Variants in ADGRV1 observed in about 807,000 individuals in gnomAD.
ADGRV1 encodes the protein adhesion G protein-coupled receptor V1, also known as G-protein coupled receptor 98.
A neutral mutation model predicts 596.2 loss-of-function variants in ADGRV1; 359 were observed. The observed-to-expected ratio is 0.60, with a 90% CI of 0.55 to 0.66. The LOEUF is 0.66. Among genes scored for constraint, ADGRV1 ranks in the 30% least tolerant of loss-of-function variants. The pLI is 0.00. For missense variants in ADGRV1, 7,274 were observed against 7,575.6 expected (o/e 0.96, Z 1.48); for synonymous variants, 2,681 against 2,679.2 (o/e 1.00, Z -0.02).
At chr5:90,915,945 A>C (rs1773312676) in intron 83 of ADGRV1, among the ~76,000 whole-genome samples, 1 of 152,184 alleles carries the variant, frequency 6.6e-6, no homozygotes, top group South Asian at 2.1e-4. Flanking sequence ...AAAGTTTTTG[A>C]TCCCCTTATA....
chr5:91,144,863 G>C (rs1462573645), intron 87 of ADGRV1, among the ~76,000 whole-genome samples: 1 of 152,226 alleles, frequency 6.6e-6, no homozygotes, highest in Non-Finnish European at 1.5e-5. Context: ...GCCAATGCAC[G>C]TAGTGGGTGA....
chr5:91,125,202 G>A (rs1236712702), intron 87 of ADGRV1, among the ~76,000 whole-genome samples: 1 of 152,210 alleles, frequency 6.6e-6, no homozygotes, highest in Non-Finnish European at 1.5e-5. Flanking sequence ...CTGAATGGAT[G>A]AGAGTGGAGA....
chr5:90,952,200 A>G (rs542129504), intron 83 of ADGRV1, among the ~76,000 whole-genome samples: 26 of 152,182 alleles, frequency 1.7e-4, no homozygotes, highest in African/African-American at 5.1e-4. Context: ...GCTAATTTCT[A>G]TGACCTGCTG....
intron 38 of ADGRV1, 131 bp from the exon 39 acceptor site, chr5:90,708,685 T>A (rs958503981): frequency 3.9e-6 from 2 of 509,088 alleles, no homozygotes; most frequent in Non-Finnish European, 7.0e-6. Context: ...CTAATTTACA[T>A]CTGTCTACTT....
intron 85 of ADGRV1, among the ~76,000 whole-genome samples, chr5:91,035,861 T>TAATATATATAATATATATAATATA: frequency 1.0e-5 from 1 of 96,402 alleles, no homozygotes; most frequent in Admixed American, 1.1e-4. Flanking sequence ...TATATATATA[T>TAATATATATAATATATATAATATA]TATATATATA....
chr5:90,812,914 G>A (rs1020621515), intron 74 of ADGRV1, among the ~76,000 whole-genome samples: 5 of 151,492 alleles, frequency 3.3e-5, no homozygotes, highest in East Asian at 1.9e-4. Flanking sequence ...GGCGGATCAC[G>A]AGGTCAGGAG....
At chr5:90,798,013 A>G (rs919114630) in intron 70 of ADGRV1, among the ~76,000 whole-genome samples, 4 of 152,190 alleles carry the variant, frequency 2.6e-5, no homozygotes, top group African/African-American at 9.6e-5. Flanking sequence ...ATCAAAATTA[A>G]AAGAACTAGA....
chr5:90,823,301 C>T (rs1044882393), intron 75 of ADGRV1, 124 bp from the exon 76 acceptor site: 2 of 967,922 alleles, frequency 2.1e-6, no homozygotes, highest in South Asian at 3.2e-5. Context: ...AAGTGCTATA[C>T]TTTGGATGAA....
intron 85 of ADGRV1, among the ~76,000 whole-genome samples, chr5:91,037,616 A>G (rs1177434832): frequency 6.6e-6 from 1 of 152,222 alleles, no homozygotes; most frequent in African/African-American, 2.4e-5. Flanking sequence ...TGATAGTGAC[A>G]GGCTTTAAAC....
Position 90,906,746 on chromosome 5 carries a change from T to C in ADGRV1, c.17856+42889T>C, listed in dbSNP as rs572696513. On this transcript the variant is annotated intron_variant, in intron 83 of 89. Coordinates refer to ENST00000405460, the MANE Select transcript of ADGRV1 (RefSeq NM_032119.4). Reference sequence around the variant, plus strand: ...TCAATTGTATTTATTGCTGCTCTCTTCTTTATTATTTCTTCTACTAATTTT... The same window carrying C: ...TCAATTGTATTTATTGCTGCTCTCTCCTTTATTATTTCTTCTACTAATTTT... Among the ~76,000 whole-genome samples, 13 of 152,278 alleles carry C rather than the reference T, an allele frequency of 8.5e-5. No individual in the cohort carries two copies. The East Asian group carries it at 1.5e-3, about 18-fold the overall frequency.
rs772477109 is a variant in ADGRV1 at position 90,834,165 on chromosome 5, T to C, written c.16611+4979T>C. 4.6e-5 allele frequency among the ~76,000 whole-genome samples: 7 copies of C among 152,320 alleles called. No individual in the cohort carries two copies. The South Asian group carries it at 1.2e-3, about 27-fold the overall frequency. ...GTGTTTAGTCTTTCTACACAAGAAA[T>C]GAGTAGGTTACACACCAAAATTACA... On this transcript the variant is annotated intron_variant, in intron 77 of 89. Coordinates refer to ENST00000405460, the MANE Select transcript of ADGRV1 (RefSeq NM_032119.4).
chr5:90,817,021 C>T (rs1025433129), intron 75 of ADGRV1, among the ~76,000 whole-genome samples: 2 of 152,072 alleles, frequency 1.3e-5, no homozygotes, highest in African/African-American at 4.8e-5. Context: ...AGTTTACAGT[C>T]CCACCAACAG....
chr5:90,820,143 T>C (rs554449477), intron 75 of ADGRV1, among the ~76,000 whole-genome samples: 9,868 of 150,998 alleles, frequency 0.065, 624 homozygotes, highest in African/African-American at 0.17. Flanking sequence ...GCTCTTCTTG[T>C]TGAATTGATC....
At chr5:91,001,630 G>T (rs778438252) in intron 85 of ADGRV1, among the ~76,000 whole-genome samples, 5 of 151,950 alleles carry the variant, frequency 3.3e-5, no homozygotes, top group Non-Finnish European at 5.9e-5. Flanking sequence ...CTATTACTTT[G>T]TAGTATTCGA....
chr5:91,047,957 A>G (rs1785975004), intron 85 of ADGRV1, among the ~76,000 whole-genome samples: 1 of 152,216 alleles, frequency 6.6e-6, no homozygotes, highest in Non-Finnish European at 1.5e-5. Flanking sequence ...TGGGATTGTC[A>G]AAGTAGCTAA....
intron 84 of ADGRV1, among the ~76,000 whole-genome samples, chr5:90,967,601 A>G (rs1434077038): frequency 1.3e-5 from 2 of 152,180 alleles, no homozygotes; most frequent in African/African-American, 4.8e-5. Context: ...TGACCTATTC[A>G]GAATTTTTGA....
At chr5:90,943,957 AG>A (rs962116687) in intron 83 of ADGRV1, among the ~76,000 whole-genome samples, 8 of 152,210 alleles carry the variant, frequency 5.3e-5, no homozygotes, top group African/African-American at 1.2e-4. Flanking sequence ...ATTGAGGTGT[AG>A]GGGGGGCACT....
chr5:91,159,041 G>A (rs1254511139), intron 89 of ADGRV1, among the ~76,000 whole-genome samples: 8 of 152,154 alleles, frequency 5.3e-5, no homozygotes, highest in Admixed American at 2.6e-4. Context: ...ATACTAAAAT[G>A]CTTGCATTAA....
chr5:91,030,986 A>G (rs1312842795), intron 85 of ADGRV1: 105 of 1,367,502 alleles, frequency 7.7e-5, no homozygotes, highest in Non-Finnish European at 9.7e-5. Flanking sequence ...GACTGATTTT[A>G]TATGTCAATC....
Sources: gnomAD v4.1 joint callset for allele counts (sites outside exome capture counted in the v4.1 genomes callset) on GRCh38, gnomAD v4.1.1 for gene constraint, MANE v1.5 for transcripts, NCBI Gene and HGNC (gene_info 2026-07-23, HGNC 2026-07-21) for gene names.